Variants in MYLK observed in about 807,000 individuals in gnomAD.
The protein encoded by MYLK is myosin light chain kinase, smooth muscle.
In MYLK, 106 loss-of-function variants were observed where a neutral mutation model predicts 203.4. The observed-to-expected ratio is 0.52, with a 90% confidence interval of 0.45 to 0.61. The LOEUF is 0.61. MYLK is among the 20% of genes least tolerant of loss of function. The pLI is 0.00. For synonymous variants in MYLK, 867 were observed against 959.5 expected, an observed-to-expected ratio of 0.90 and a Z score of 1.78; for missense variants, 2,072 against 2,442.3, an observed-to-expected ratio of 0.85 and a Z score of 3.20.
At chr3:123,803,585 C>T (rs1468187308) in intron 3 of MYLK, among the ~76,000 whole-genome samples, 1 of 152,158 alleles carries the variant, frequency 6.6e-6, no homozygotes, top group Non-Finnish European at 1.5e-5. Context: ...CACCAGCTCT[C>T]CACAAGACAT....
chr3:123,617,490 G>A (rs1161769975), intron 33 of MYLK: 1 of 152,146 alleles, frequency 6.6e-6, no homozygotes, highest in Non-Finnish European at 1.5e-5. Flanking sequence ...GCATTGATAA[G>A]GCACTTTGAT....
At chr3:123,617,618 G>T (rs1253363734) in intron 33 of MYLK, 1 of 152,238 alleles carries the variant, frequency 6.6e-6, no homozygotes, top group Non-Finnish European at 1.5e-5. Flanking sequence ...GGCACAGTTT[G>T]TTTTGACTGC....
chr3:123,646,949 A>G (rs2059041302), intron 27 of MYLK: 2 of 520,320 alleles, frequency 3.8e-6, no homozygotes, highest in African/African-American at 3.8e-5. Flanking sequence ...AGGGCGAGAA[A>G]GACACCAGGG....
chr3:123,879,413 C>A (rs1009653198), intron 1 of MYLK, among the ~76,000 whole-genome samples: 1 of 152,060 alleles, frequency 6.6e-6, no homozygotes, highest in Non-Finnish European at 1.5e-5. Flanking sequence ...AATGTTCCTG[C>A]CTTCCTCTCT....
At position 123,788,320 on chromosome 3, in the gene MYLK, A is replaced by G. The variant is rs529807855; in HGVS notation, c.165+5357T>C. ...TCTTCTCCAGAACCACATCATTAAGACTCCTGAGGACAGAAAGCAAACCAG... is the reference window on the plus strand; with the variant it reads ...TCTTCTCCAGAACCACATCATTAAGGCTCCTGAGGACAGAAAGCAAACCAG... On this transcript the variant is annotated intron_variant, in intron 4 of 33. Transcript: ENST00000360304. Among the ~76,000 whole-genome samples the G allele has an allele frequency of 1.2e-3, 179 of 148,620 alleles. 4 individuals are homozygous for G. The highest frequency in any genetic ancestry group is 7.7e-3 in the South Asian group (36 of 4,654).
intron 19 of MYLK, among the ~76,000 whole-genome samples, chr3:123,683,066 G>A (rs928937309): frequency 6.2e-5 from 9 of 144,020 alleles, no homozygotes; most frequent in African/African-American, 2.3e-4. Context: ...GGCTGGGCTG[G>A]GTGGAAAGGC....
At chr3:123,693,588 G>A (rs2060780042) in intron 18 of MYLK, 1 of 153,324 alleles carries the variant, frequency 6.5e-6, no homozygotes, top group Admixed American at 6.4e-5. Context: ...TCTTCTCCAT[G>A]GACTCTCCCC....
intron 19 of MYLK, among the ~76,000 whole-genome samples, chr3:123,686,771 T>C (rs1220334325): frequency 6.6e-6 from 1 of 152,222 alleles, no homozygotes; most frequent in East Asian, 1.9e-4. Flanking sequence ...TGACATTTAC[T>C]GGGTATTGAC....
chr3:123,731,118 C>T (rs950986732), intron 11 of MYLK, among the ~76,000 whole-genome samples: 2 of 152,284 alleles, frequency 1.3e-5, no homozygotes, highest in Non-Finnish European at 2.9e-5. Flanking sequence ...CTGTCCCCTG[C>T]GCAGGGATAG....
intron 2 of MYLK, among the ~76,000 whole-genome samples, chr3:123,868,580 C>T (rs147509670): frequency 2.6e-5 from 4 of 152,146 alleles, no homozygotes; most frequent in Non-Finnish European, 5.9e-5. Flanking sequence ...TGTTCAAGGT[C>T]ATACAGTGAG....
At chr3:123,761,227 C>T (rs6778111) in intron 4 of MYLK, among the ~76,000 whole-genome samples, 12,498 of 152,230 alleles carry the variant, frequency 0.082, 1,613 homozygotes, top group African/African-American at 0.27. Flanking sequence ...GTCTTATTCT[C>T]TGACAATTTC....
intron 23 of MYLK, among the ~76,000 whole-genome samples, chr3:123,659,913 C>G (rs1415800023): frequency 6.6e-6 from 1 of 152,234 alleles, no homozygotes; most frequent in Non-Finnish European, 1.5e-5. Context: ...ATTTTCTCCT[C>G]AGCAAATGTT....
At chr3:123,756,000 C>T (rs2063347308) in intron 4 of MYLK, among the ~76,000 whole-genome samples, 1 of 152,164 alleles carries the variant, frequency 6.6e-6, no homozygotes, top group Non-Finnish European at 1.5e-5. Flanking sequence ...AGGGCACCAA[C>T]AATGTCCACA....
At chr3:123,789,622 T>C (rs2064691347) in intron 4 of MYLK, among the ~76,000 whole-genome samples, 1 of 135,924 alleles carries the variant, frequency 7.4e-6, no homozygotes, top group African/African-American at 2.8e-5. Flanking sequence ...TATTAATTCC[T>C]GAAAATATAG....
At chr3:123,842,936 A>G (rs1216040741) in intron 2 of MYLK, among the ~76,000 whole-genome samples, 1 of 152,240 alleles carries the variant, frequency 6.6e-6, no homozygotes, top group Non-Finnish European at 1.5e-5. Flanking sequence ...CTAGCTCCCA[A>G]TGTGCTGCTG....
intron 1 of MYLK, among the ~76,000 whole-genome samples, chr3:123,878,745 T>C (rs2033318029): frequency 6.6e-6 from 1 of 152,142 alleles, no homozygotes. Flanking sequence ...TGGAGTGCAG[T>C]GGTATGATCT....
chr3:123,854,387 C>T (rs1007644223), intron 2 of MYLK, among the ~76,000 whole-genome samples: 9 of 151,988 alleles, frequency 5.9e-5, no homozygotes, highest in African/African-American at 2.2e-4. Context: ...AAAAAATCTG[C>T]ACCATCTTGC....
chr3:123,676,027 C>T (rs1424529549), intron 20 of MYLK, among the ~76,000 whole-genome samples: 1 of 152,264 alleles, frequency 6.6e-6, no homozygotes, highest in East Asian at 1.9e-4. Flanking sequence ...TGATTACATC[C>T]ATTCCCAAAC....
intron 33 of MYLK, chr3:123,617,029 G>A (rs528430681): frequency 6.6e-6 from 1 of 151,972 alleles, no homozygotes; most frequent in Admixed American, 6.5e-5. Context: ...TTGTTTTTTC[G>A]AAGTAATTAG....
Sources: allele counts gnomAD v4.1 joint callset (sites outside exome capture counted in the v4.1 genomes callset), GRCh38; gene constraint gnomAD v4.1.1; transcripts MANE v1.5; gene names NCBI Gene and HGNC (gene_info 2026-07-23, HGNC 2026-07-21).